Variants in PIEZO2 observed in about 807,000 individuals in gnomAD.
PIEZO2 encodes the protein piezo type mechanosensitive ion channel component 2, also known as piezo-type mechanosensitive ion channel component 2.
PIEZO2 carries 172 observed loss-of-function variants against 337.3 expected under a neutral mutation model. That is an observed-to-expected ratio of 0.51 (90% CI 0.45 to 0.58). PIEZO2 has a LOEUF of 0.58. Among genes scored for constraint, PIEZO2 ranks in the 20% least tolerant of loss-of-function variants. The probability of loss-of-function intolerance (pLI) is 0.00; values close to 1 mark genes in which losing one functional copy is unlikely to be tolerated. For missense variants in PIEZO2, 3,028 were observed against 3,391.3 expected (o/e 0.89, Z 2.66); for synonymous variants, 1,251 against 1,228.5 (o/e 1.02, Z -0.38).
Position 10,672,578 on chromosome 18 carries a change from A to T in PIEZO2, c.8345+112T>A. On this transcript the variant is annotated intron_variant, in intron 55 of 55. Transcript: ENST00000674853. This position sits in a 1 kb window ranked among gnomAD's most constrained non-coding sequence, Gnocchi z 4.7. Reference sequence around the variant, plus strand: ...CACACAAGGATGTGTGCATTTTAATACTGCAGCTCTAAAATTAGCGAATTC... The same window carrying T: ...CACACAAGGATGTGTGCATTTTAATTCTGCAGCTCTAAAATTAGCGAATTC... 9.0e-7 allele frequency: 1 copy of T among 1,115,748 alleles called. No individual in the cohort carries two copies. Among genetic ancestry groups the T allele is most frequent in the Non-Finnish European group, 1.3e-6 (1 of 770,738 alleles). The allele number at this position is 1,115,748 out of a possible 1,614,324, so 69.1% of individuals were successfully genotyped here.
At chr18:11,074,093 G>A (rs1046745061) in intron 1 of PIEZO2, among the ~76,000 whole-genome samples, 8 of 152,076 alleles carry the variant, frequency 5.3e-5, no homozygotes, top group East Asian at 1.9e-4. Flanking sequence ...AGATCCGCCC[G>A]CCTCAGCCTC....
intron 4 of PIEZO2, chr18:10,890,337 A>G (rs923845926): frequency 1.8e-4 from 28 of 152,232 alleles, no homozygotes; most frequent in African/African-American, 6.8e-4. Flanking sequence ...TGCAAGTGCC[A>G]TGAAATATAG....
chr18:10,977,632 C>G (rs535236946), intron 3 of PIEZO2, among the ~76,000 whole-genome samples: 1 of 152,098 alleles, frequency 6.6e-6, no homozygotes, highest in Non-Finnish European at 1.5e-5. Flanking sequence ...CCAAAGTACC[C>G]TTATTTAAAC....
chr18:10,749,907 G>T (rs765646271), intron 29 of PIEZO2, among the ~76,000 whole-genome samples, 184 bp downstream of exon 29: 16 of 152,300 alleles, frequency 1.1e-4, no homozygotes, highest in Non-Finnish European at 2.2e-4. Flanking sequence ...AAGAGGCTTA[G>T]CATAAGGCAT....
At position 11,101,839 on chromosome 18, in the gene PIEZO2, A is replaced by C. The variant is rs934047991; in HGVS notation, c.65-35617T>G. On this transcript the variant is annotated intron_variant, in intron 1 of 55. Coordinates refer to ENST00000674853, the MANE Select transcript of PIEZO2 (RefSeq NM_001378183.1). This position sits in a 1 kb window ranked among gnomAD's most constrained non-coding sequence, Gnocchi z 4.4. Reference sequence around the variant, plus strand: ...TACTCCCATGCTAAATTTTTGGGACACACAAGCTCTTGTACTCTTGTACTA... The same window carrying C: ...TACTCCCATGCTAAATTTTTGGGACCCACAAGCTCTTGTACTCTTGTACTA... Among the ~76,000 whole-genome samples, 2 of 152,158 alleles carry C rather than the reference A, an allele frequency of 1.3e-5. No homozygotes were observed. Among genetic ancestry groups the C allele is most frequent in the Non-Finnish European group, 2.9e-5 (2 of 68,038 alleles).
intron 14 of PIEZO2, 97 bp from the exon 15 acceptor site, chr18:10,789,462 T>C (rs573163781): frequency 7.5e-7 from 1 of 1,335,010 alleles, no homozygotes; most frequent in Admixed American, 3.0e-5. Flanking sequence ...GCATGCATTT[T>C]CTAAGTTATT....
In PIEZO2 at chr18:10,945,185, G is replaced by A. The variant is rs1324675996; in HGVS notation, c.287-33957C>T. Among the ~76,000 whole-genome samples the A allele has an allele frequency of 6.6e-6, 1 of 152,140 alleles. No individual in the cohort carries two copies. The highest frequency in any genetic ancestry group is 6.5e-5 in the Admixed American group (1 of 15,272). ...GAAGAAGACGCCCTATGATTTTTAG[G>A]TGTTATTTTTTAGAGACAAGATGTC... On this transcript the variant is annotated intron_variant, in intron 3 of 55. Transcript: ENST00000674853. The surrounding 1 kb of genome is among the most constrained non-coding windows in gnomAD (Gnocchi z 4.0).
intron 34 of PIEZO2, among the ~76,000 whole-genome samples, chr18:10,735,542 A>T (rs1200502087): frequency 6.6e-6 from 1 of 152,190 alleles, no homozygotes; most frequent in African/African-American, 2.4e-5. Context: ...CATAGTGAAG[A>T]TGTTCATGTT....
Position 11,033,282 on chromosome 18 carries a change from C to G in PIEZO2, c.160+32845G>C, listed in dbSNP as rs1462223478. On this transcript the variant is annotated intron_variant, in intron 2 of 55. Transcript: ENST00000674853. The surrounding 1 kb of genome is among the most constrained non-coding windows in gnomAD (Gnocchi z 4.2). The stretch of plus-strand genomic sequence containing the variant: ...GGCCTATGGAGAAGGCAGGATCTGA[C>G]TCTAACATCATTCCTGGCTGTAGAC... 6.6e-6 allele frequency among the ~76,000 whole-genome samples: 1 copy of G among 152,208 alleles called. No homozygotes were observed. Among genetic ancestry groups the G allele is most frequent in the East Asian group, 1.9e-4 (1 of 5,192 alleles).
chr18:10,697,698 C>A lies in PIEZO2; in HGVS notation c.6827+50G>T, dbSNP rs149645969. 9.9e-4 allele frequency: 1,574 copies of A among 1,594,770 alleles called. 34 individuals carry two copies. In the East Asian group the frequency reaches 0.033, roughly 33 times the overall value. Reference sequence around the variant, plus strand: ...TCCTGGTTTATAGGAAATAATAAAGCCCAAAACCCTACAATAAAGCACACA... The same window carrying A: ...TCCTGGTTTATAGGAAATAATAAAGACCAAAACCCTACAATAAAGCACACA... On this transcript the variant is annotated intron_variant, in intron 45 of 55. Transcript: ENST00000674853.
rs886488813 is a variant in PIEZO2 at position 11,131,544 on chromosome 18, C to A, written c.64+16981G>T. On this transcript the variant is annotated intron_variant, in intron 1 of 55. Coordinates refer to ENST00000674853, the MANE Select transcript of PIEZO2 (RefSeq NM_001378183.1). This position sits in a 1 kb window ranked among gnomAD's most constrained non-coding sequence, Gnocchi z 5.3. ...TTTCTAGGAAATCCTTGAAGGACAGCGGTGAAGGGAAATCTTCCCAGTGGG... is the reference window on the plus strand; with the variant it reads ...TTTCTAGGAAATCCTTGAAGGACAGAGGTGAAGGGAAATCTTCCCAGTGGG... Among the ~76,000 whole-genome samples the A allele has an allele frequency of 3.9e-5, 6 of 152,160 alleles. No homozygotes were observed. The highest frequency in any genetic ancestry group is 6.5e-5 in the Admixed American group (1 of 15,278).
At chr18:10,782,259 T>C (rs1377028392) in intron 17 of PIEZO2, among the ~76,000 whole-genome samples, 1 of 95,158 alleles carries the variant, frequency 1.1e-5, no homozygotes, top group Non-Finnish European at 1.9e-5. Context: ...ATATATTATA[T>C]TATTATATGT....
chr18:10,674,779 A>G (rs1050257040), intron 54 of PIEZO2, among the ~76,000 whole-genome samples: 3 of 152,240 alleles, frequency 2.0e-5, no homozygotes, highest in South Asian at 4.1e-4. Flanking sequence ...CGAAAATTCA[A>G]TCACTAAAGT....
In PIEZO2 at chr18:10,762,692, T is replaced by C. The variant is rs2038187199; in HGVS notation, c.3124-67A>G. 7 of 1,498,498 alleles carry C rather than the reference T, an allele frequency of 4.7e-6. No individual in the cohort carries two copies. The South Asian group carries it at 7.6e-5, about 16-fold the overall frequency. The allele number at this position is 1,498,498 out of a possible 1,614,324, so 92.8% of individuals were successfully genotyped here. ...AGATTAGGAGAGCTCAGGTTATTTC[T>C]TCTTCAGCCTTGAGCAAAATGATAG... On this transcript the variant is annotated intron_variant, in intron 22 of 55. Transcript: ENST00000674853.
Position 10,981,402 on chromosome 18 carries a change from A to G in PIEZO2, c.161-1742T>C, listed in dbSNP as rs571217887. Among the ~76,000 whole-genome samples the G allele has an allele frequency of 1.7e-4, 26 of 152,310 alleles. 1 individual carries two copies. In the South Asian group the frequency reaches 1.9e-3, roughly 11 times the overall value. Reference sequence around the variant, plus strand: ...TATCTAAGTTGGGTTTAATCCCAAAAATGCAAGATTGTTTTCACTTAAGAA... The same window carrying G: ...TATCTAAGTTGGGTTTAATCCCAAAGATGCAAGATTGTTTTCACTTAAGAA... On this transcript the variant is annotated intron_variant, in intron 2 of 55. Coordinates refer to ENST00000674853, the MANE Select transcript of PIEZO2 (RefSeq NM_001378183.1).
chr18:10,743,538 C>T (rs1050938174), intron 31 of PIEZO2, among the ~76,000 whole-genome samples: 2 of 152,132 alleles, frequency 1.3e-5, no homozygotes, highest in Admixed American at 6.5e-5. Context: ...TGGGAAAAAC[C>T]TTAGATGGGA....
chr18:11,100,249 AT>A (rs2039374113), intron 1 of PIEZO2, among the ~76,000 whole-genome samples: 1 of 152,246 alleles, frequency 6.6e-6, no homozygotes, highest in Non-Finnish European at 1.5e-5. Context: ...AAATACATCC[AT>A]TGCCTTGAAT....
intron 13 of PIEZO2, among the ~76,000 whole-genome samples, chr18:10,792,629 A>C (rs1489924187): frequency 6.6e-6 from 1 of 152,208 alleles, no homozygotes; most frequent in African/African-American, 2.4e-5. Flanking sequence ...TAAACACCCA[A>C]TAATACTCCA....
rs1384689752 is a variant in PIEZO2 at position 11,148,848 on chromosome 18, G to A, written c.-260C>T. 4.7e-6 allele frequency: 2 copies of A among 427,270 alleles called. No individual in the cohort carries two copies. Among genetic ancestry groups the A allele is most frequent in the South Asian group, 5.0e-5 (1 of 20,154 alleles). The allele number at this position is 427,270 out of a possible 1,614,324, so 26.5% of individuals were successfully genotyped here. On this transcript the variant is annotated 5_prime_UTR_variant, in exon 1 of 56. Transcript: ENST00000674853. The surrounding 1 kb of genome is among the most constrained non-coding windows in gnomAD (Gnocchi z 5.2). ...CCTAGCCCGGCGCCCGGCCCCCTGC[G>A]GCCGGCCCATTTAGTGTGAATCCTG...
Sources: gnomAD v4.1 joint callset for allele counts (sites outside exome capture counted in the v4.1 genomes callset) on GRCh38, gnomAD v4.1.1 for gene constraint, Gnocchi (gnomAD v3.1) non-coding constraint, MANE v1.5 for transcripts, NCBI Gene and HGNC (gene_info 2026-07-23, HGNC 2026-07-21) for gene names.